ADGRL3: variants seen among roughly 807,000 people sequenced by gnomAD.
ADGRL3 encodes adhesion G protein-coupled receptor L3, also known as calcium-independent alpha-latrotoxin receptor 3.
A neutral mutation model predicts 153.5 loss-of-function variants in ADGRL3; 62 were observed. The ratio of observed to expected loss-of-function variants is 0.40; its 90% CI spans 0.33 to 0.50. The LOEUF (loss-of-function observed/expected upper bound fraction) is 0.50, where lower values mean the gene tolerates loss of function less well. Ranked by LOEUF, ADGRL3 falls within the 20% of genes least tolerant of loss-of-function variation. The pLI, the probability that ADGRL3 is intolerant of heterozygous loss-of-function variation, is 0.47. For missense variants in ADGRL3, 1,641 were observed against 1,859.4 expected (o/e 0.88, Z 2.16); for synonymous variants, 710 against 672.5 (o/e 1.06, Z -0.86).
At chr4:61,933,966 A>G (rs2098828176) in intron 13 of ADGRL3, 1 of 152,102 alleles carries the variant, frequency 6.6e-6, no homozygotes, top group Non-Finnish European at 1.5e-5. Flanking sequence ...CAGGTATTGT[A>G]TTTTTCTGTT....
intron 2 of ADGRL3, among the ~76,000 whole-genome samples, chr4:61,430,754 G>A (rs1406136705): frequency 6.6e-6 from 1 of 152,104 alleles, no homozygotes; most frequent in Non-Finnish European, 1.5e-5. Context: ...ATATGGGGTT[G>A]AGAAATTAAA....
chr4:61,634,355 A>T (rs1437417366), intron 5 of ADGRL3, among the ~76,000 whole-genome samples: 1 of 152,172 alleles, frequency 6.6e-6, no homozygotes, highest in Non-Finnish European at 1.5e-5. Flanking sequence ...CCGTGGCTTA[A>T]ATTCATCCAT....
chr4:61,976,629 C>T (rs1039802334), intron 17 of ADGRL3, among the ~76,000 whole-genome samples: 6 of 152,060 alleles, frequency 3.9e-5, no homozygotes, highest in African/African-American at 1.4e-4. Flanking sequence ...AGCGGTTCCC[C>T]CATACTGTTC....
In ADGRL3 at chr4:61,477,368, TACAC is replaced by T. The variant is rs5858703; in HGVS notation, c.-173-19733_-173-19730del. ...GTTATTGTATATAGAATAGTGATGT[TACAC>T]ACACACACACACACACACATGTGCA... On this transcript the variant is annotated intron_variant, in intron 2 of 26. Transcript: ENST00000683033. Among the ~76,000 whole-genome samples the T allele has an allele frequency of 3.7e-3, 553 of 149,138 alleles. 1 individual carries two copies. Among genetic ancestry groups the T allele is most frequent in the Admixed American group, 8.2e-3 (122 of 14,918 alleles).
At chr4:61,817,478 G>A (rs962978445) in intron 9 of ADGRL3, among the ~76,000 whole-genome samples, 1 of 152,128 alleles carries the variant, frequency 6.6e-6, no homozygotes, top group African/African-American at 2.4e-5. Context: ...GCAGAAGGGA[G>A]CCACCCACTG....
chr4:61,334,872 T>C (rs2095645791), intron 1 of ADGRL3, among the ~76,000 whole-genome samples: 1 of 152,072 alleles, frequency 6.6e-6, no homozygotes, highest in Non-Finnish European at 1.5e-5. Flanking sequence ...CCTAATAGGT[T>C]AAATAGGGAT....
At chr4:61,936,133 T>C (rs2098837307) in intron 15 of ADGRL3, 88 bp downstream of exon 15, 2 of 1,450,588 alleles carry the variant, frequency 1.4e-6, no homozygotes. Context: ...GTCCACTATT[T>C]AGGAGCTTTT....
intron 8 of ADGRL3, among the ~76,000 whole-genome samples, chr4:61,791,720 C>G (rs551418365): frequency 6.6e-6 from 1 of 152,332 alleles, no homozygotes; most frequent in South Asian, 2.1e-4. Context: ...GCCTGGGCAT[C>G]CAGACATTTC....
chr4:61,537,212 C>T (rs2098662412), intron 4 of ADGRL3, among the ~76,000 whole-genome samples: 1 of 150,772 alleles, frequency 6.6e-6, no homozygotes, highest in Non-Finnish European at 1.5e-5. Context: ...AAGAGACCCT[C>T]AATCTGTTTT....
chr4:61,551,252 A>G (rs944265005), intron 4 of ADGRL3, among the ~76,000 whole-genome samples: 1 of 152,130 alleles, frequency 6.6e-6, no homozygotes, highest in Non-Finnish European at 1.5e-5. Flanking sequence ...TTATTTAGCA[A>G]CCTATTAAAG....
At chr4:61,775,172 C>G (rs1182412114) in intron 8 of ADGRL3, among the ~76,000 whole-genome samples, 2 of 151,806 alleles carry the variant, frequency 1.3e-5, no homozygotes, top group East Asian at 3.9e-4. Context: ...TGAATTATCC[C>G]CCAAGTATGA....
intron 1 of ADGRL3, among the ~76,000 whole-genome samples, chr4:61,265,035 A>G (rs1418629432): frequency 6.6e-6 from 1 of 151,904 alleles, no homozygotes; most frequent in African/African-American, 2.4e-5. Context: ...AGGATTTCCT[A>G]CTTGGAAAAG....
At chr4:61,328,200 C>T (rs2095501901) in intron 1 of ADGRL3, among the ~76,000 whole-genome samples, 1 of 152,158 alleles carries the variant, frequency 6.6e-6, no homozygotes, top group South Asian at 2.1e-4. Flanking sequence ...TAAATTAAAT[C>T]TGTGGAGACC....
chr4:61,856,947 C>CTTT (rs1561367687), intron 9 of ADGRL3, among the ~76,000 whole-genome samples: 2 of 77,954 alleles, frequency 2.6e-5, no homozygotes, highest in East Asian at 4.9e-4. Flanking sequence ...CCTCTTTCTT[C>CTTT]TTCTCTTTCT....
chr4:61,470,983 G>A (rs1362622400), intron 2 of ADGRL3, among the ~76,000 whole-genome samples: 4 of 151,738 alleles, frequency 2.6e-5, no homozygotes, highest in Admixed American at 2.6e-4. Context: ...TTTTTAAATT[G>A]ATTCAGTAGG....
chr4:61,935,118 T>G, intron 14 of ADGRL3, 95 bp downstream of exon 14: 1 of 998,986 alleles, frequency 1.0e-6, no homozygotes, highest in Non-Finnish European at 1.5e-6. Context: ...ATATGAGTGA[T>G]GCTTTATTTC....
chr4:61,420,754 C>A (rs1163793981), intron 2 of ADGRL3: 1 of 116,818 alleles, frequency 8.6e-6, no homozygotes, highest in Non-Finnish European at 1.7e-5. Context: ...AGTGGAAATA[C>A]TAAAGCACAG....
chr4:61,287,366 C>T (rs113323117), intron 1 of ADGRL3, among the ~76,000 whole-genome samples: 30 of 151,906 alleles, frequency 2.0e-4, no homozygotes, highest in African/African-American at 7.2e-4. Flanking sequence ...TCTAACATAT[C>T]GACATTTCCA....
At chr4:61,574,183 T>A (rs2098852204) in intron 4 of ADGRL3, among the ~76,000 whole-genome samples, 1 of 151,830 alleles carries the variant, frequency 6.6e-6, no homozygotes, top group Admixed American at 6.6e-5. Flanking sequence ...AACTAAACCA[T>A]CAGCATTACT....
Sources: allele counts gnomAD v4.1 joint callset (sites outside exome capture counted in the v4.1 genomes callset), GRCh38; gene constraint gnomAD v4.1.1; transcripts MANE v1.5; gene names NCBI Gene and HGNC (gene_info 2026-07-23, HGNC 2026-07-21).